The following FOXO1 variants were observed in gnomAD, a reference collection of about 807,000 sequenced individuals.
FOXO1 encodes forkhead box protein O1.
In FOXO1, 6 loss-of-function variants were observed where a neutral mutation model predicts 44.1. The ratio of observed to expected loss-of-function variants is 0.14; its 90% confidence interval spans 0.07 to 0.27. The LOEUF (loss-of-function observed/expected upper bound fraction) is 0.27, where lower values mean the gene tolerates loss of function less well. Ranked by LOEUF, FOXO1 falls within the 10% of genes least tolerant of loss-of-function variation. The pLI is 1.00. For synonymous variants in FOXO1, 380 were observed against 362.7 expected, an observed-to-expected ratio of 1.05 and a Z score of -0.54; for missense variants, 737 against 888.8, an observed-to-expected ratio of 0.83 and a Z score of 2.17.
At chr13:40,647,218 C>CT (rs1877539045) in intron 1 of FOXO1, among the ~76,000 whole-genome samples, 1 of 152,180 alleles carries the variant, frequency 6.6e-6, no homozygotes, top group South Asian at 2.1e-4. Context: ...CCTCATCCTC[C>CT]TTTAACTTGT....
At chr13:40,564,559 G>C (rs371806308) in intron 1 of FOXO1, among the ~76,000 whole-genome samples, 2 of 152,190 alleles carry the variant, frequency 1.3e-5, no homozygotes, top group African/African-American at 4.8e-5. Flanking sequence ...TATTAACGAC[G>C]TTGTGTCTGC....
chr13:40,581,732 T>G (rs1381323795), intron 1 of FOXO1, among the ~76,000 whole-genome samples: 2 of 152,228 alleles, frequency 1.3e-5, no homozygotes, highest in Non-Finnish European at 2.9e-5. Context: ...CTATTAAGTA[T>G]GGGGCCATAT....
At chr13:40,664,644 G>A (rs1335652439) in intron 1 of FOXO1, among the ~76,000 whole-genome samples, 3 of 152,156 alleles carry the variant, frequency 2.0e-5, no homozygotes, top group African/African-American at 4.8e-5. Context: ...CCCAGCCCCC[G>A]GCCCCTCAGG....
At chr13:40,651,708 TATA>T (rs1267288704) in intron 1 of FOXO1, among the ~76,000 whole-genome samples, 3 of 151,074 alleles carry the variant, frequency 2.0e-5, no homozygotes, top group African/African-American at 7.3e-5. Flanking sequence ...TACATCTAAA[TATA>T]CATCATATTT....
intron 1 of FOXO1, among the ~76,000 whole-genome samples, chr13:40,581,717 TTTAACTA>T (rs1356662231): frequency 6.6e-6 from 1 of 152,230 alleles, no homozygotes; most frequent in East Asian, 1.9e-4. Context: ...AATTTCCTGA[TTTAACTA>T]TTAAGTATGG....
chr13:40,637,767 T>C (rs927714745), intron 1 of FOXO1, among the ~76,000 whole-genome samples: 5 of 152,192 alleles, frequency 3.3e-5, no homozygotes, highest in South Asian at 2.1e-4. Flanking sequence ...AGTGATAAAG[T>C]TGGTAAGCAC....
rs1593393289 is a variant in FOXO1 at position 40,596,455 on chromosome 13, TA to T, written c.631-35596del. Among the ~76,000 whole-genome samples, 4 of 152,330 alleles carry T rather than the reference TA, an allele frequency of 2.6e-5. No individual in the cohort carries two copies. In the East Asian group the frequency reaches 7.7e-4, roughly 29 times the overall value. Reference sequence around the variant, plus strand: ...TATATGAGAAATGAAATTTTAAAACTAGCTTTAGGAAGAGATGTAGCTTTGG... The same window carrying T: ...TATATGAGAAATGAAATTTTAAAACTGCTTTAGGAAGAGATGTAGCTTTGG... On this transcript the variant is annotated intron_variant, in intron 1 of 2. Coordinates refer to ENST00000379561, the MANE Select transcript of FOXO1 (RefSeq NM_002015.4).
intron 1 of FOXO1, among the ~76,000 whole-genome samples, chr13:40,627,758 G>A (rs1176304674): frequency 1.3e-5 from 2 of 151,800 alleles, no homozygotes; most frequent in Non-Finnish European, 2.9e-5. Context: ...GCTTGAACCC[G>A]GGAGGCAGAG....
At chr13:40,609,706 G>C (rs1326319228) in intron 1 of FOXO1, among the ~76,000 whole-genome samples, 1 of 152,070 alleles carries the variant, frequency 6.6e-6, no homozygotes, top group African/African-American at 2.4e-5. Flanking sequence ...AATTCTTCAG[G>C]GTGGGGGGGA....
rs571924897 is a variant in FOXO1 at position 40,664,536 on chromosome 13, C to A, written c.630+1047G>T. The stretch of plus-strand genomic sequence containing the variant: ...AAGGCACCGCTCCCTCGACGCGCAC[C>A]GCCACTCCGACTCCCTCAAAACATT... On this transcript the variant is annotated intron_variant, in intron 1 of 2. Transcript: ENST00000379561. Among the ~76,000 whole-genome samples the A allele has an allele frequency of 1.9e-4, 29 of 152,198 alleles. No individual in the cohort carries two copies. In the East Asian group the frequency reaches 5.6e-3, roughly 30 times the overall value.
At chr13:40,649,697 A>G (rs1321420771) in intron 1 of FOXO1, among the ~76,000 whole-genome samples, 2 of 152,232 alleles carry the variant, frequency 1.3e-5, no homozygotes, top group South Asian at 2.1e-4. Context: ...TAAGGCATAC[A>G]ATCAAATTAG....
intron 1 of FOXO1, among the ~76,000 whole-genome samples, chr13:40,583,668 G>C (rs558623269): frequency 1.3e-5 from 2 of 152,262 alleles, no homozygotes; most frequent in South Asian, 4.2e-4. Context: ...AACCTTCACA[G>C]AATTTAAGAG....
intron 1 of FOXO1, among the ~76,000 whole-genome samples, chr13:40,575,572 A>G (rs1330333170): frequency 1.3e-5 from 2 of 152,222 alleles, no homozygotes; most frequent in East Asian, 3.8e-4. Flanking sequence ...AAAGTATTTC[A>G]ATCAACTGAC....
intron 1 of FOXO1, chr13:40,620,508 C>A: frequency 2.0e-6 from 1 of 497,914 alleles, no homozygotes; most frequent in South Asian, 2.1e-5. Context: ...ATCTAGTACT[C>A]TAAGGGAGGG....
chr13:40,563,357 A>G (rs1043564000), intron 1 of FOXO1, among the ~76,000 whole-genome samples: 1 of 152,198 alleles, frequency 6.6e-6, no homozygotes, highest in African/African-American at 2.4e-5. Flanking sequence ...GGGAGATGCA[A>G]AAGTCAGGGT....
At chr13:40,601,789 GT>G (rs1875823912) in intron 1 of FOXO1, among the ~76,000 whole-genome samples, 1 of 152,078 alleles carries the variant, frequency 6.6e-6, no homozygotes, top group Non-Finnish European at 1.5e-5. Flanking sequence ...TACTAGTACT[GT>G]TTTACCACTA....
chr13:40,650,744 TTTG>T (rs1198247748), intron 1 of FOXO1, among the ~76,000 whole-genome samples: 1 of 152,134 alleles, frequency 6.6e-6, no homozygotes, highest in East Asian at 1.9e-4. Flanking sequence ...AGCTTTGGTT[TTTG>T]TTGTTGTTAA....
intron 1 of FOXO1, among the ~76,000 whole-genome samples, chr13:40,661,574 G>C (rs1878038284): frequency 1.3e-5 from 2 of 151,814 alleles, no homozygotes; most frequent in Admixed American, 6.6e-5. Context: ...TGGGATTACA[G>C]GTGTGCGCCA....
chr13:40,619,473 G>T, intron 1 of FOXO1: 3 of 1,280,802 alleles, frequency 2.3e-6, no homozygotes, highest in Non-Finnish European at 3.4e-6. Context: ...GAACAAACTC[G>T]AACAGTGGAG....
Sources: gnomAD v4.1 joint callset for allele counts (sites outside exome capture counted in the v4.1 genomes callset) on GRCh38, gnomAD v4.1.1 for gene constraint, MANE v1.5 for transcripts, NCBI Gene and HGNC (gene_info 2026-07-23, HGNC 2026-07-21) for gene names.